The following GALNTL6 variants were observed in gnomAD, a reference collection of about 807,000 sequenced individuals.
GALNTL6 encodes the protein polypeptide N-acetylgalactosaminyltransferase-like 6.
Under a neutral mutation model 73.7 loss-of-function variants are expected in GALNTL6, and 46 were observed. The observed-to-expected ratio is 0.62, with a 90% CI of 0.49 to 0.80. GALNTL6 has a LOEUF of 0.80. GALNTL6 is among the 30% of genes least tolerant of loss of function. The probability of loss-of-function intolerance (pLI) is 0.00; values close to 1 mark genes in which losing one functional copy is unlikely to be tolerated. For missense variants in GALNTL6, 604 were observed against 755.0 expected (o/e 0.80, Z 2.34); for synonymous variants, 259 against 263.7 (o/e 0.98, Z 0.17).
intron 2 of GALNTL6, among the ~76,000 whole-genome samples, chr4:172,001,088 G>A (rs1170330071): frequency 2.0e-5 from 3 of 152,136 alleles, no homozygotes; most frequent in East Asian, 1.9e-4. Flanking sequence ...GTAATAGTAC[G>A]TAGTCATCAT....
intron 2 of GALNTL6, among the ~76,000 whole-genome samples, chr4:171,943,612 TA>T (rs2111018007): frequency 6.6e-6 from 1 of 152,298 alleles, no homozygotes; most frequent in Admixed American, 6.5e-5. Flanking sequence ...AATGTTATTG[TA>T]AAAGATCTTT....
chr4:171,853,576 T>A (rs1735589284), intron 2 of GALNTL6, among the ~76,000 whole-genome samples: 1 of 150,704 alleles, frequency 6.6e-6, no homozygotes, highest in African/African-American at 2.4e-5. Context: ...TTTTTGCTTT[T>A]TTCTCTCTTT....
At chr4:172,530,867 G>A (rs1163468179) in intron 5 of GALNTL6, among the ~76,000 whole-genome samples, 2 of 148,126 alleles carry the variant, frequency 1.4e-5, no homozygotes, top group African/African-American at 5.0e-5. Flanking sequence ...TAAGATGTCA[G>A]ACAACTTACA....
At position 172,558,860 on chromosome 4, in the gene GALNTL6, T is replaced by A. The variant is rs536040877; in HGVS notation, c.553+210171T>A. Among the ~76,000 whole-genome samples the A allele has an allele frequency of 2.0e-5, 3 of 152,214 alleles. No homozygotes were observed. The South Asian group carries it at 6.2e-4, about 32-fold the overall frequency. On this transcript the variant is annotated intron_variant, in intron 5 of 12. Coordinates refer to ENST00000506823, the MANE Select transcript of GALNTL6 (RefSeq NM_001034845.3). ...ATCAAAACTATTTCACATCTTTGGG[T>A]TCCCTAAAATAAAGTTTAAGTTTGG...
chr4:172,549,246 T>C (rs1219010262), intron 5 of GALNTL6, among the ~76,000 whole-genome samples: 2 of 152,186 alleles, frequency 1.3e-5, no homozygotes, highest in Non-Finnish European at 2.9e-5. Flanking sequence ...GGGAGTGTTG[T>C]GGTCAGTAGA....
intron 3 of GALNTL6, among the ~76,000 whole-genome samples, chr4:172,262,252 C>T (rs977205060): frequency 6.6e-6 from 1 of 151,112 alleles, no homozygotes; most frequent in Non-Finnish European, 1.5e-5. Flanking sequence ...AATTGGGTTG[C>T]CATCTATCTC....
At chr4:172,642,546 T>C (rs985357549) in intron 5 of GALNTL6, among the ~76,000 whole-genome samples, 1 of 151,860 alleles carries the variant, frequency 6.6e-6, no homozygotes, top group Non-Finnish European at 1.5e-5. Context: ...AAGTAAAAAA[T>C]AGAATGGTAG....
At chr4:172,592,582 C>T (rs1048145401) in intron 5 of GALNTL6, among the ~76,000 whole-genome samples, 11 of 152,210 alleles carry the variant, frequency 7.2e-5, no homozygotes, top group African/African-American at 2.6e-4. Flanking sequence ...TAACAAACTC[C>T]TTTGTTATTT....
intron 3 of GALNTL6, among the ~76,000 whole-genome samples, chr4:172,265,261 G>C (rs1023549915): frequency 6.6e-6 from 1 of 151,900 alleles, no homozygotes; most frequent in Admixed American, 6.6e-5. Context: ...ACAAAGTAAG[G>C]TTACAAAATA....
chr4:171,988,794 G>T (rs2111093191), intron 2 of GALNTL6, among the ~76,000 whole-genome samples: 1 of 152,222 alleles, frequency 6.6e-6, no homozygotes, highest in East Asian at 1.9e-4. Context: ...AGCCGGGTAA[G>T]AGTGATTAAG....
intron 5 of GALNTL6, among the ~76,000 whole-genome samples, chr4:172,372,270 C>A (rs1211671370): frequency 4.6e-5 from 7 of 152,112 alleles, no homozygotes; most frequent in Admixed American, 4.6e-4. Flanking sequence ...TGATTGGCTC[C>A]CCATCGTCTG....
At chr4:172,929,289 A>G (rs1007803856) in intron 8 of GALNTL6, among the ~76,000 whole-genome samples, 2 of 152,174 alleles carry the variant, frequency 1.3e-5, no homozygotes, top group African/African-American at 4.8e-5. Flanking sequence ...CATTTGTTCA[A>G]CCATTCTCGC....
Position 172,551,546 on chromosome 4 carries a change from G to C in GALNTL6, c.553+202857G>C, listed in dbSNP as rs144123711. Among the ~76,000 whole-genome samples, 8 of 151,958 alleles carry C rather than the reference G, an allele frequency of 5.3e-5. No individual in the cohort carries two copies. The East Asian group carries it at 1.5e-3, about 29-fold the overall frequency. ...ATGTTTATGCTAACAATGTAAATACGACTTAAAATTAAAAACCAAATTCCT... is the reference window on the plus strand; with the variant it reads ...ATGTTTATGCTAACAATGTAAATACCACTTAAAATTAAAAACCAAATTCCT... On this transcript the variant is annotated intron_variant, in intron 5 of 12. Coordinates refer to ENST00000506823, the MANE Select transcript of GALNTL6 (RefSeq NM_001034845.3).
intron 9 of GALNTL6, 87 bp from the exon 10 acceptor site, chr4:172,951,949 CT>C: frequency 8.8e-7 from 1 of 1,135,152 alleles, no homozygotes; most frequent in Non-Finnish European, 1.3e-6. Context: ...CTATCTTTTC[CT>C]TTTCTTTTTT....
intron 9 of GALNTL6, among the ~76,000 whole-genome samples, chr4:172,936,408 T>C (rs1419992100): frequency 6.6e-6 from 1 of 152,110 alleles, no homozygotes; most frequent in African/African-American, 2.4e-5. Context: ...CAACATAGTA[T>C]TGGAAGCTCT....
chr4:172,673,871 G>A (rs778813996), intron 5 of GALNTL6, among the ~76,000 whole-genome samples: 2 of 152,166 alleles, frequency 1.3e-5, no homozygotes, highest in African/African-American at 2.4e-5. Context: ...GTCATTACAT[G>A]TGAGGTGGGT....
At chr4:172,400,191 G>C (rs1202610072) in intron 5 of GALNTL6, among the ~76,000 whole-genome samples, 1 of 151,996 alleles carries the variant, frequency 6.6e-6, no homozygotes, top group African/African-American at 2.4e-5. Context: ...TACATGCTTT[G>C]GTGCTTTTGA....
chr4:172,624,759 G>A (rs769972566), intron 5 of GALNTL6, among the ~76,000 whole-genome samples: 8 of 151,098 alleles, frequency 5.3e-5, no homozygotes, highest in Non-Finnish European at 1.0e-4. Flanking sequence ...GTTTTCCTTG[G>A]TAGTTTTTTT....
chr4:172,126,371 C>G (rs72700931), intron 2 of GALNTL6, among the ~76,000 whole-genome samples: 3,179 of 152,248 alleles, frequency 0.021, 34 homozygotes, highest in Non-Finnish European at 0.031. Flanking sequence ...TGACTACAGG[C>G]ATCCGGTACT....
Sources: gnomAD v4.1 joint callset for allele counts (sites outside exome capture counted in the v4.1 genomes callset) on GRCh38, gnomAD v4.1.1 for gene constraint, MANE v1.5 for transcripts, NCBI Gene and HGNC (gene_info 2026-07-23, HGNC 2026-07-21) for gene names.